Variants in LRRC4C observed in about 807,000 individuals in gnomAD.
LRRC4C encodes leucine rich repeat containing 4C.
A neutral mutation model predicts 33.6 loss-of-function variants in LRRC4C; 5 were observed. The observed-to-expected ratio is 0.15, with a 90% CI of 0.08 to 0.31. LRRC4C has a LOEUF of 0.31. LRRC4C is among the 10% of genes least tolerant of loss of function. LRRC4C has a pLI of 1.00. For missense variants in LRRC4C, 560 were observed against 796.7 expected (o/e 0.70, Z 3.58); for synonymous variants, 329 against 302.0 (o/e 1.09, Z -0.93).
intron 3 of LRRC4C, among the ~76,000 whole-genome samples, chr11:40,617,132 T>A (rs971320868): frequency 6.6e-6 from 1 of 151,758 alleles, no homozygotes; most frequent in Non-Finnish European, 1.5e-5. Flanking sequence ...CAGAAGAGTT[T>A]ATCCATTTAC....
At chr11:41,116,683 A>T (rs185888692) in intron 1 of LRRC4C, among the ~76,000 whole-genome samples, 2 of 152,034 alleles carry the variant, frequency 1.3e-5, no homozygotes, top group African/African-American at 4.8e-5. Flanking sequence ...AATGAAAATG[A>T]CTCTTAAAAC....
In LRRC4C at chr11:40,954,915, T is replaced by A. The variant is rs527842377; in HGVS notation, c.-495-21192A>T. Among the ~76,000 whole-genome samples the A allele has an allele frequency of 1.2e-4, 18 of 151,892 alleles. No individual in the cohort carries two copies. In the South Asian group the frequency reaches 3.5e-3, roughly 30 times the overall value. ...GTTTGTACACATTTCCTCATCTTGA[T>A]CCCCAGAGACTGGACTCAGACAACC... On this transcript the variant is annotated intron_variant, in intron 1 of 6. Coordinates refer to ENST00000528697, the MANE Select transcript of LRRC4C (RefSeq NM_001258419.2).
chr11:40,699,074 A>G (rs1377885941), intron 2 of LRRC4C, among the ~76,000 whole-genome samples: 1 of 152,126 alleles, frequency 6.6e-6, no homozygotes, highest in Non-Finnish European at 1.5e-5. Context: ...GTCCCACCAC[A>G]CACATACATA....
chr11:40,758,401 T>A (rs775712722), intron 2 of LRRC4C, among the ~76,000 whole-genome samples: 2 of 151,982 alleles, frequency 1.3e-5, no homozygotes, highest in Non-Finnish European at 2.9e-5. Context: ...AGAAATGAAG[T>A]TCCTGTTTTA....
chr11:40,814,321 C>T (rs1480301083), intron 2 of LRRC4C, among the ~76,000 whole-genome samples: 1 of 152,282 alleles, frequency 6.6e-6, no homozygotes, highest in East Asian at 1.9e-4. Flanking sequence ...GGCTTGCACC[C>T]TCTGAAGCCA....
chr11:40,465,458 TTAAAC>T (rs1952605438), intron 3 of LRRC4C, among the ~76,000 whole-genome samples: 1 of 151,752 alleles, frequency 6.6e-6, no homozygotes, highest in African/African-American at 2.4e-5. Context: ...AAACATTTAA[TTAAAC>T]TAAAAAACCT....
intron 1 of LRRC4C, among the ~76,000 whole-genome samples, chr11:41,028,881 T>C (rs965866533): frequency 2.6e-5 from 4 of 151,712 alleles, no homozygotes; most frequent in African/African-American, 9.7e-5. Context: ...GATCCTCCTC[T>C]GATGTCCATA....
intron 3 of LRRC4C, among the ~76,000 whole-genome samples, chr11:40,380,291 G>T (rs1464234047): frequency 6.6e-6 from 1 of 152,130 alleles, no homozygotes; most frequent in Non-Finnish European, 1.5e-5. Flanking sequence ...TTTTGTGGTG[G>T]TTTATGTTTT....
At chr11:41,366,691 T>C (rs1273834458) in intron 1 of LRRC4C, among the ~76,000 whole-genome samples, 1 of 152,098 alleles carries the variant, frequency 6.6e-6, no homozygotes, top group African/African-American at 2.4e-5. Context: ...TAAGTTAAAA[T>C]GAGGTCATGA....
At chr11:41,089,889 T>C (rs1400934077) in intron 1 of LRRC4C, among the ~76,000 whole-genome samples, 1 of 152,038 alleles carries the variant, frequency 6.6e-6, no homozygotes, top group African/African-American at 2.4e-5. Flanking sequence ...ATCATAATCA[T>C]GTGATAAATA....
chr11:40,381,038 G>A (rs1044915175), intron 3 of LRRC4C, among the ~76,000 whole-genome samples: 1 of 152,058 alleles, frequency 6.6e-6, no homozygotes, highest in Admixed American at 6.5e-5. Context: ...CCTAACAACC[G>A]CTCAAGCATT....
intron 5 of LRRC4C, among the ~76,000 whole-genome samples, chr11:40,205,904 CT>C (rs1863111196): frequency 6.6e-6 from 1 of 152,154 alleles, no homozygotes; most frequent in Admixed American, 6.5e-5. Context: ...AAAGGTATTA[CT>C]TGAGCAATCT....
rs1946006039 is a variant in LRRC4C, at chr11:40,703,819, C to T, written c.-406-55541G>A. On this transcript the variant is annotated intron_variant, in intron 2 of 6. Transcript: ENST00000528697. ...ATCGGCATATAAGATGCCTAATTGT[C>T]CTGTAATGTTGATATTTTTTCCTCT... Among the ~76,000 whole-genome samples the T allele has an allele frequency of 2.0e-5, 3 of 152,062 alleles. No individual in the cohort carries two copies. In the South Asian group the frequency reaches 6.2e-4, roughly 32 times the overall value.
At chr11:40,613,481 T>C (rs528823929) in intron 3 of LRRC4C, among the ~76,000 whole-genome samples, 3 of 151,954 alleles carry the variant, frequency 2.0e-5, no homozygotes, top group Admixed American at 6.6e-5. Context: ...CTTCCAACTC[T>C]GGTTCTCCTG....
chr11:40,262,023 T>C (rs1302839252), intron 4 of LRRC4C, among the ~76,000 whole-genome samples: 1 of 152,130 alleles, frequency 6.6e-6, no homozygotes, highest in Non-Finnish European at 1.5e-5. Flanking sequence ...CAAAAGAAAC[T>C]ATCATCAGCA....
At chr11:40,844,427 C>T (rs904111632) in intron 2 of LRRC4C, among the ~76,000 whole-genome samples, 1 of 152,102 alleles carries the variant, frequency 6.6e-6, no homozygotes, top group Admixed American at 6.6e-5. Context: ...TATTTTTCCA[C>T]ATTCTTAAGA....
chr11:40,765,441 T>G (rs2137112035), intron 2 of LRRC4C, among the ~76,000 whole-genome samples: 1 of 152,282 alleles, frequency 6.6e-6, no homozygotes, highest in African/African-American at 2.4e-5. Flanking sequence ...ACCCCTTTTC[T>G]TTATAAATTA....
intron 2 of LRRC4C, among the ~76,000 whole-genome samples, chr11:40,834,359 T>C (rs1311190836): frequency 6.6e-6 from 1 of 151,486 alleles, no homozygotes; most frequent in Non-Finnish European, 1.5e-5. Context: ...TAATCCCAGG[T>C]ACTCAGGAGG....
intron 3 of LRRC4C, among the ~76,000 whole-genome samples, chr11:40,593,805 T>A (rs1457356503): frequency 1.3e-5 from 2 of 152,212 alleles, no homozygotes; most frequent in Non-Finnish European, 2.9e-5. Context: ...CCACATTTTT[T>A]AAAAACCCAT....
Sources: allele counts gnomAD v4.1 joint callset (sites outside exome capture counted in the v4.1 genomes callset), GRCh38; gene constraint gnomAD v4.1.1; transcripts MANE v1.5; gene names NCBI Gene and HGNC (gene_info 2026-07-23, HGNC 2026-07-21).